NEK10: variants seen among roughly 807,000 people sequenced by gnomAD.
The protein encoded by NEK10 is NIMA related kinase 10, also known as serine/threonine-protein kinase Nek10.
Under a neutral mutation model 159.8 loss-of-function variants are expected in NEK10, and 122 were observed. That is an observed-to-expected ratio of 0.76 (90% CI 0.66 to 0.89). NEK10 has a LOEUF of 0.89. Among genes scored for constraint, NEK10 ranks in the 40% least tolerant of loss-of-function variants. NEK10 has a pLI of 0.00. For synonymous variants in NEK10, 466 were observed against 457.1 expected (o/e 1.02, Z -0.25); for missense variants, 1,342 against 1,323.1 (o/e 1.01, Z -0.22).
intron 23 of NEK10, among the ~76,000 whole-genome samples, chr3:27,239,964 GTC>G (rs1954368494): frequency 6.6e-6 from 1 of 152,106 alleles, no homozygotes; most frequent in Admixed American, 6.5e-5. Flanking sequence ...TTCTCCCTCA[GTC>G]TGTTATGAAG....
At chr3:27,317,573 T>C (rs1428437456) in intron 6 of NEK10, among the ~76,000 whole-genome samples, 1 of 152,304 alleles carries the variant, frequency 6.6e-6, no homozygotes, top group East Asian at 1.9e-4. Flanking sequence ...AATATAATAC[T>C]GGTAAAAAGT....
intron 30 of NEK10, among the ~76,000 whole-genome samples, chr3:27,146,246 T>C (rs1171721073): frequency 6.6e-6 from 1 of 152,192 alleles, no homozygotes; most frequent in Non-Finnish European, 1.5e-5. Flanking sequence ...ACTTGACACA[T>C]ACTATATGTC....
chr3:27,297,985 A>G (rs1345910032), intron 13 of NEK10, among the ~76,000 whole-genome samples: 1 of 152,212 alleles, frequency 6.6e-6, no homozygotes, highest in Admixed American at 6.5e-5. Context: ...CATTGATACC[A>G]TGATTATCAT....
chr3:27,117,392 G>A (rs995752130), intron 33 of NEK10, among the ~76,000 whole-genome samples: 1 of 152,180 alleles, frequency 6.6e-6, no homozygotes, highest in Non-Finnish European at 1.5e-5. Context: ...AGGTCTTTGA[G>A]GAATAGCCAC....
Position 27,108,300 on chromosome 3 carries a change from T to C in NEK10, c.*2972A>G, listed in dbSNP as rs1280337748. On this transcript the variant is annotated 3_prime_UTR_variant, in exon 36 of 36. Coordinates refer to ENST00000691995, the MANE Select transcript of NEK10 (RefSeq NM_001394966.1). ...CATTTCTCTAGGTTTCTGAAATTCATCCACAAGCAGTGGGTCCAAGTGTCC... is the reference window on the plus strand; with the variant it reads ...CATTTCTCTAGGTTTCTGAAATTCACCCACAAGCAGTGGGTCCAAGTGTCC... 1.3e-5 allele frequency among the ~76,000 whole-genome samples: 2 copies of C among 152,210 alleles called. No individual in the cohort carries two copies. Among genetic ancestry groups the C allele is most frequent in the Non-Finnish European group, 2.9e-5 (2 of 68,034 alleles).
intron 1 of NEK10, among the ~76,000 whole-genome samples, chr3:27,362,117 A>T (rs760751463): frequency 7.2e-5 from 11 of 152,230 alleles, no homozygotes; most frequent in African/African-American, 1.2e-4. Flanking sequence ...GAAAGATTAT[A>T]GAAAGATTTT....
intron 26 of NEK10, among the ~76,000 whole-genome samples, chr3:27,183,256 T>G (rs546518360): frequency 6.6e-6 from 1 of 151,390 alleles, no homozygotes; most frequent in Non-Finnish European, 1.5e-5. Flanking sequence ...TTAAAAATAT[T>G]TATAAACAAA....
Position 27,142,896 on chromosome 3 carries a change from T to C in NEK10, c.2870-1314A>G, listed in dbSNP as rs544090278. 4.6e-5 allele frequency among the ~76,000 whole-genome samples: 7 copies of C among 152,360 alleles called. No homozygotes were observed. In the East Asian group the frequency reaches 7.7e-4, roughly 17 times the overall value. ...CAAGAAATAATCTAGTTCTAGCTCA[T>C]CTGCAGTTAATACCTTGTTTAAATG... On this transcript the variant is annotated intron_variant, in intron 30 of 35. Transcript: ENST00000691995.
At chr3:27,204,275 C>CT (rs1203026508) in intron 23 of NEK10, among the ~76,000 whole-genome samples, 1,402 of 63,910 alleles carry the variant, frequency 0.022, 12 homozygotes, top group African/African-American at 0.038. Context: ...GATAAATTTT[C>CT]TTTTTTTTTT....
At chr3:27,134,887 T>G (rs1364610436) in intron 31 of NEK10, among the ~76,000 whole-genome samples, 1 of 152,198 alleles carries the variant, frequency 6.6e-6, no homozygotes, top group African/African-American at 2.4e-5. Context: ...GAATAGAATA[T>G]TAATGTCTAT....
chr3:27,348,684 T>C (rs893248262), intron 3 of NEK10, among the ~76,000 whole-genome samples: 1 of 152,114 alleles, frequency 6.6e-6, no homozygotes, highest in African/African-American at 2.4e-5. Context: ...GTTCATTCCT[T>C]TCCTGGTGGC....
At chr3:27,319,995 G>A (rs182109855) in intron 6 of NEK10, among the ~76,000 whole-genome samples, 2 of 152,304 alleles carry the variant, frequency 1.3e-5, no homozygotes, top group Admixed American at 6.5e-5. Flanking sequence ...GGCGTAAGTC[G>A]CAAGTTGTAG....
chr3:27,275,031 GT>G, intron 22 of NEK10, among the ~76,000 whole-genome samples: 1 of 152,200 alleles, frequency 6.6e-6, no homozygotes. Context: ...AGTCTTCGGT[GT>G]TTTTATTTGG....
chr3:27,144,544 C>T (rs371047063), intron 30 of NEK10, among the ~76,000 whole-genome samples: 1 of 152,176 alleles, frequency 6.6e-6, no homozygotes, highest in Non-Finnish European at 1.5e-5. Context: ...TTCTACACCT[C>T]GGTCAACAAT....
intron 26 of NEK10, among the ~76,000 whole-genome samples, chr3:27,189,341 C>T (rs774157267): frequency 1.3e-5 from 2 of 151,930 alleles, no homozygotes; most frequent in Non-Finnish European, 2.9e-5. Context: ...AAATAGAAAC[C>T]TTTAATGTTT....
intron 2 of NEK10, 94 bp from the exon 3 acceptor site, chr3:27,352,619 C>A: frequency 1.1e-6 from 1 of 926,968 alleles, no homozygotes; most frequent in Non-Finnish European, 1.8e-6. Context: ...TGGAGGCCTG[C>A]TTTTATCAAC....
At chr3:27,142,718 AT>A (rs1329859790) in intron 30 of NEK10, among the ~76,000 whole-genome samples, 2 of 152,204 alleles carry the variant, frequency 1.3e-5, no homozygotes, top group Non-Finnish European at 2.9e-5. Context: ...AGAACATTCA[AT>A]GCAGTCATTT....
At chr3:27,222,369 T>A (rs1404188683) in intron 23 of NEK10, among the ~76,000 whole-genome samples, 1 of 152,096 alleles carries the variant, frequency 6.6e-6, no homozygotes, top group Non-Finnish European at 1.5e-5. Context: ...AGACTCCGTC[T>A]CAAAAAAACA....
At chr3:27,353,006 C>A (rs2048080814) in intron 1 of NEK10, 87 bp from the exon 2 acceptor site, 1 of 631,864 alleles carries the variant, frequency 1.6e-6, no homozygotes, top group African/African-American at 1.8e-5. Context: ...CCACTTATAA[C>A]ATCTATTTAA....
Sources: gnomAD v4.1 joint callset for allele counts (sites outside exome capture counted in the v4.1 genomes callset) on GRCh38, gnomAD v4.1.1 for gene constraint, MANE v1.5 for transcripts, NCBI Gene and HGNC (gene_info 2026-07-23, HGNC 2026-07-21) for gene names.